PAPOLG: variants seen among roughly 807,000 people sequenced by gnomAD.
The protein encoded by PAPOLG is PAP-gamma.
PAPOLG carries 40 observed loss-of-function variants against 99.0 expected under a neutral mutation model. The observed-to-expected ratio is 0.40, with a 90% CI of 0.31 to 0.53. The LOEUF (loss-of-function observed/expected upper bound fraction) is 0.53, where lower values mean the gene tolerates loss of function less well. Among genes scored for constraint, PAPOLG ranks in the 20% least tolerant of loss-of-function variants. The pLI is 0.41. For missense variants in PAPOLG, 675 were observed against 884.1 expected (o/e 0.76, Z 3.00); for synonymous variants, 310 against 299.3 (o/e 1.04, Z -0.37).
intron 5 of PAPOLG, among the ~76,000 whole-genome samples, chr2:60,769,118 G>A (rs970125213): frequency 1.3e-5 from 2 of 152,110 alleles, no homozygotes; most frequent in African/African-American, 2.4e-5. Context: ...CTAGATCTTG[G>A]TCAAGTAACC....
intron 9 of PAPOLG, among the ~76,000 whole-genome samples, chr2:60,780,277 C>CTTTTT (rs530213712): frequency 7.4e-6 from 1 of 136,042 alleles, no homozygotes; most frequent in African/African-American, 2.7e-5. Flanking sequence ...CTTACCTAGC[C>CTTTTT]TTTTTTTTTT....
At chr2:60,767,315 G>A (rs1277146894) in intron 3 of PAPOLG, among the ~76,000 whole-genome samples, 2 of 151,820 alleles carry the variant, frequency 1.3e-5, no homozygotes, top group African/African-American at 4.8e-5. Flanking sequence ...CTCTCAAGAG[G>A]TGAAAATTAG....
Position 60,761,727 on chromosome 2 carries a change from A to T in PAPOLG, c.180-14A>T. On this transcript the variant is annotated splice_polypyrimidine_tract_variant and intron_variant, in intron 2 of 21. Transcript: ENST00000238714. ...TTGTTTGTTTGTTTTAATCTGAAGC[A>T]TTTTTTTTTATAGGCTGGTGGTTCT... is the stretch of plus-strand genomic sequence containing the variant. 6.6e-7 allele frequency: 1 copy of T among 1,520,392 alleles called. No homozygotes were observed. The highest frequency in any genetic ancestry group is 9.0e-7 in the Non-Finnish European group (1 of 1,111,120). The allele number at this position is 1,520,392 out of a possible 1,614,324, so 94.2% of individuals were successfully genotyped here. A position where few individuals can be genotyped will look rare whatever the true frequency, so the allele number is the denominator to read the frequency against.
In PAPOLG at chr2:60,797,193, A is replaced by G. The variant is rs371378287; in HGVS notation, c.*33A>G. Reference sequence around the variant, plus strand: ...GCCTCCTCACTTAAGTGAACAAGCAATCATTTAGTGGCATAGATGCAGCCA... The same window carrying G: ...GCCTCCTCACTTAAGTGAACAAGCAGTCATTTAGTGGCATAGATGCAGCCA... On this transcript the variant is annotated 3_prime_UTR_variant, in exon 22 of 22. Transcript: ENST00000238714. The G allele has an allele frequency of 2.2e-5, 35 of 1,610,380 alleles. No individual in the cohort carries two copies. In the African/African-American group the frequency reaches 2.3e-4, roughly 10 times the overall value.
At chr2:60,779,247 C>G (rs1003021383) in intron 8 of PAPOLG, among the ~76,000 whole-genome samples, 1 of 152,134 alleles carries the variant, frequency 6.6e-6, no homozygotes, top group Non-Finnish European at 1.5e-5. Flanking sequence ...ATTCATTCTT[C>G]CCCATTGTCT....
At chr2:60,769,394 A>G (rs1670780826) in intron 5 of PAPOLG, among the ~76,000 whole-genome samples, 1 of 152,246 alleles carries the variant, frequency 6.6e-6, no homozygotes, top group Non-Finnish European at 1.5e-5. Flanking sequence ...CAGATACAAT[A>G]GTAAACAAGA....
rs770636527 is a variant in PAPOLG, at chr2:60,782,734, A to G, written c.1076A>G (p.Lys359Arg). The G allele has an allele frequency of 1.3e-6, 2 of 1,573,372 alleles. No homozygotes were observed. The highest frequency in any genetic ancestry group is 3.9e-5 in the Admixed American group (2 of 51,788). Residue 359 changes from lysine (K) to arginine (R), a missense_variant, in exon 12 of 22, where the codon AAA (lysine) becomes AGA (arginine). By Grantham distance (26) the Lys-to-Arg change is conservative. Coordinates refer to ENST00000238714, the MANE Select transcript of PAPOLG (RefSeq NM_022894.4). ...EILQGKSDWS[K>R]LLEPPNFFQK... is the part of the protein sequence containing the mutation. ...CTTCAAGGAAAGTCAGATTGGTCCA[A>G]ACTACTTGAGCCACCGAATTTCTTT...
chr2:60,794,613 TA>T, intron 19 of PAPOLG, 96 bp from the exon 20 acceptor site: 1 of 996,616 alleles, frequency 1.0e-6, no homozygotes, highest in Non-Finnish European at 1.5e-6. Context: ...GTAATTTTTA[TA>T]ATAGTGTAAC....
intron 5 of PAPOLG, among the ~76,000 whole-genome samples, chr2:60,769,451 G>A (rs995479439): frequency 7.9e-5 from 12 of 152,168 alleles, no homozygotes; most frequent in African/African-American, 2.9e-4. Context: ...AAACAAAACA[G>A]TGTTAATGCA....
chr2:60,789,918 C>T (rs1430035773), intron 15 of PAPOLG, among the ~76,000 whole-genome samples: 2 of 152,050 alleles, frequency 1.3e-5, no homozygotes, highest in Admixed American at 6.6e-5. Context: ...GGTGAAACCC[C>T]ACCCATCTCT....
In PAPOLG at chr2:60,768,876, A is replaced by G; in HGVS notation, c.424A>G (p.Ile142Val). 1 of 1,586,650 alleles carries G rather than the reference A, an allele frequency of 6.3e-7. No homozygotes were observed. ...FFEKLKHQDG[I>V]RNLRAVEDAF... The stretch of plus-strand genomic sequence containing the variant: ...TGAAAAATTGAAACATCAAGATGGC[A>G]TTAGAAACTTAAGAGTAAGTATCCT... Residue 142 changes from isoleucine to valine, a missense_variant, in exon 5 of 22, where the codon ATT becomes GTT. Transcript: ENST00000238714.
Position 60,779,787 on chromosome 2 carries a change from C to A in PAPOLG, c.833+12C>A. ...GTTTTTTCCAAGTGGTAAGTATTTA[C>A]GTGTGTACTTTGACTGTTTACTAAT... On this transcript the variant is annotated intron_variant, in intron 9 of 21. Transcript: ENST00000238714. 1.0e-5 allele frequency: 16 copies of A among 1,603,246 alleles called. No individual in the cohort carries two copies. The highest frequency in any genetic ancestry group is 1.3e-5 in the African/African-American group (1 of 74,766).
Position 60,801,522 on chromosome 2 carries a change from C to A in PAPOLG, c.*4362C>A, listed in dbSNP as rs1292231729. The A allele has an allele frequency of 2.0e-5, 3 of 152,044 alleles. No individual in the cohort carries two copies. The highest frequency in any genetic ancestry group is 4.4e-5 in the Non-Finnish European group (3 of 68,026). 9.4% of individuals were successfully genotyped at this position (152,044 alleles called of 1,614,324 possible). On this transcript the variant is annotated 3_prime_UTR_variant, in exon 22 of 22. Transcript: ENST00000238714. ...GCAGTGGCGCAATCTTGGCTCATTG[C>A]AACCTCCACCTCCCAGGTGCAAGCG...
chr2:60,787,651 C>G, intron 15 of PAPOLG, 31 bp downstream of exon 15: 1 of 1,605,702 alleles, frequency 6.2e-7, no homozygotes, highest in Non-Finnish European at 8.5e-7. Flanking sequence ...AGCTGTGATT[C>G]TCAAACCTGG....
At chr2:60,757,423 T>C (rs1050590708) in intron 1 of PAPOLG, among the ~76,000 whole-genome samples, 1 of 152,200 alleles carries the variant, frequency 6.6e-6, no homozygotes, top group Non-Finnish European at 1.5e-5. Context: ...TTCTTTTTTT[T>C]CCGCCCTCGA....
intron 16 of PAPOLG, 105 bp from the exon 17 acceptor site, chr2:60,792,024 T>G: frequency 6.9e-7 from 1 of 1,456,744 alleles, no homozygotes; most frequent in Non-Finnish European, 9.3e-7. Flanking sequence ...AATCTCATTT[T>G]CATTAATCAC....
At chr2:60,796,423 A>G (rs977065524) in intron 21 of PAPOLG, among the ~76,000 whole-genome samples, 4 of 151,862 alleles carry the variant, frequency 2.6e-5, no homozygotes, top group Non-Finnish European at 4.4e-5. Flanking sequence ...ACAGGCGTGA[A>G]CCACCATGCC....
rs1670344311 is a variant in PAPOLG, at chr2:60,756,514, C to T, written c.17+19C>T. ...TGTCTGCGTAAGTGGTGGGGGGCGG[C>T]GGTTGGGGTGAGGCGGGTAGGGGTG... On this transcript the variant is annotated intron_variant, in intron 1 of 21. Coordinates refer to ENST00000238714, the MANE Select transcript of PAPOLG (RefSeq NM_022894.4). 2.3e-6 allele frequency: 2 copies of T among 878,946 alleles called. No homozygotes were observed. Among genetic ancestry groups the T allele is most frequent in the Non-Finnish European group, 1.7e-6 (1 of 590,018 alleles). 54.4% of individuals were successfully genotyped at this position (878,946 alleles called of 1,614,324 possible).
chr2:60,796,970 A>G, intron 21 of PAPOLG, 92 bp from the exon 22 acceptor site: 1 of 1,524,458 alleles, frequency 6.6e-7, no homozygotes, highest in Non-Finnish European at 8.9e-7. Context: ...TGGGAGAAAA[A>G]CTCCCCAAGT....
Sources: allele counts gnomAD v4.1 joint callset (sites outside exome capture counted in the v4.1 genomes callset), GRCh38; gene constraint gnomAD v4.1.1; transcripts MANE v1.5; gene names NCBI Gene and HGNC (gene_info 2026-07-23, HGNC 2026-07-21).